ATP10A: variants seen among roughly 807,000 people sequenced by gnomAD.
ATP10A encodes phospholipid-transporting ATPase VA.
In ATP10A, 111 loss-of-function variants were observed where a neutral mutation model predicts 147.8. That is an observed-to-expected ratio of 0.75 (90% CI 0.64 to 0.88). The LOEUF is 0.88. Ranked by LOEUF, ATP10A falls within the 40% of genes least tolerant of loss-of-function variation. The probability of loss-of-function intolerance (pLI) is 0.00; values close to 1 mark genes in which losing one functional copy is unlikely to be tolerated. For missense variants in ATP10A, 1,927 were observed against 1,959.0 expected (o/e 0.98, Z 0.31); for synonymous variants, 875 against 841.6 (o/e 1.04, Z -0.69).
At chr15:25,855,798 C>T (rs1893492650) in intron 1 of ATP10A, among the ~76,000 whole-genome samples, 1 of 152,062 alleles carries the variant, frequency 6.6e-6, no homozygotes, top group Non-Finnish European at 1.5e-5. Flanking sequence ...ATGGAAAAGA[C>T]TAAGGAAGCC....
Position 25,681,082 on chromosome 15 carries a change from A to G in ATP10A, c.3493-8T>C, listed in dbSNP as rs369583706. The G allele has an allele frequency of 6.8e-6, 11 of 1,611,708 alleles. No homozygotes were observed. The highest frequency in any genetic ancestry group is 8.5e-6 in the Non-Finnish European group (10 of 1,178,038). ...CGTTCGTGGCCGGTATTCCTGGGAC[A>G]CAAAAACAATCAGTGATGTTACAGT... is the stretch of plus-strand genomic sequence containing the variant. On this transcript the variant is annotated splice_polypyrimidine_tract_variant and splice_region_variant and intron_variant, in intron 17 of 20. Transcript: ENST00000555815.
rs573671159 is a variant in ATP10A at position 25,835,481 on chromosome 15, G to C, written c.449+27167C>G. Among the ~76,000 whole-genome samples the C allele has an allele frequency of 3.3e-5, 5 of 152,222 alleles. No individual in the cohort carries two copies. The South Asian group carries it at 1.0e-3, about 32-fold the overall frequency. ...CCCTCCCTGGTCGCAGTGAGGGCAGGGACCATAGCTGCTTTCCTGACTATG... is the reference window on the plus strand; with the variant it reads ...CCCTCCCTGGTCGCAGTGAGGGCAGCGACCATAGCTGCTTTCCTGACTATG... On this transcript the variant is annotated intron_variant, in intron 1 of 20. Transcript: ENST00000555815.
intron 1 of ATP10A, among the ~76,000 whole-genome samples, chr15:25,809,661 TATGTACTAC>T (rs2140811578): frequency 6.6e-6 from 1 of 152,312 alleles, no homozygotes; most frequent in African/African-American, 2.4e-5. Context: ...TGGTTCCATA[TATGTACTAC>T]GTGCCTGAGA....
chr15:25,704,084 C>T (rs1900829255), intron 12 of ATP10A, among the ~76,000 whole-genome samples: 1 of 151,250 alleles, frequency 6.6e-6, no homozygotes, highest in South Asian at 2.1e-4. Flanking sequence ...GCTCCTCTAC[C>T]CTGGCCCTTG....
intron 2 of ATP10A, among the ~76,000 whole-genome samples, chr15:25,749,322 A>T (rs1490621301): frequency 6.6e-6 from 1 of 152,194 alleles, no homozygotes; most frequent in African/African-American, 2.4e-5. Flanking sequence ...TTAAGAGATT[A>T]AAGATGGTGC....
intron 2 of ATP10A, among the ~76,000 whole-genome samples, chr15:25,745,054 G>A (rs918913825): frequency 1.3e-5 from 2 of 152,168 alleles, no homozygotes; most frequent in Non-Finnish European, 2.9e-5. Context: ...GGCCGGGCGC[G>A]GTGGCTCACG....
intron 2 of ATP10A, among the ~76,000 whole-genome samples, chr15:25,767,796 G>A (rs901778334): frequency 1.3e-5 from 2 of 152,256 alleles, no homozygotes; most frequent in African/African-American, 4.8e-5. Context: ...CCACTGCAGT[G>A]AGCAAGGACC....
In ATP10A at chr15:25,680,318, A is replaced by G. The variant is rs756801055; in HGVS notation, c.3679-10T>C. On this transcript the variant is annotated splice_polypyrimidine_tract_variant and intron_variant, in intron 19 of 20. Coordinates refer to ENST00000555815, the MANE Select transcript of ATP10A (RefSeq NM_024490.4). ...TCCAGTTGAGCCAGGTCTGAGGGGG[A>G]ATGAGAAAGAAAGGGCTTTTATTTC... The G allele has an allele frequency of 2.9e-5, 47 of 1,611,546 alleles. No homozygotes were observed. The African/African-American group carries it at 6.2e-4, about 21-fold the overall frequency.
chr15:25,859,612 G>A (rs954733925), intron 1 of ATP10A, among the ~76,000 whole-genome samples: 2 of 151,960 alleles, frequency 1.3e-5, no homozygotes, highest in Non-Finnish European at 2.9e-5. Flanking sequence ...CCAACCTGCT[G>A]AGCGTGGCTC....
chr15:25,827,148 G>A (rs1892151744), intron 1 of ATP10A, among the ~76,000 whole-genome samples: 1 of 152,196 alleles, frequency 6.6e-6, no homozygotes, highest in African/African-American at 2.4e-5. Flanking sequence ...AAGACTGCCA[G>A]TCGCTAATTC....
At chr15:25,848,133 T>C (rs1392261598) in intron 1 of ATP10A, among the ~76,000 whole-genome samples, 3 of 152,086 alleles carry the variant, frequency 2.0e-5, no homozygotes, top group Non-Finnish European at 4.4e-5. Context: ...AAGTGTTTTT[T>C]TTTTTTAATC....
At chr15:25,759,906 T>C (rs1888661760) in intron 2 of ATP10A, among the ~76,000 whole-genome samples, 1 of 152,184 alleles carries the variant, frequency 6.6e-6, no homozygotes, top group South Asian at 2.1e-4. Flanking sequence ...CTTTGTATCT[T>C]TGAAATCTTC....
chr15:25,774,482 G>C (rs916537679), intron 2 of ATP10A, among the ~76,000 whole-genome samples: 3 of 151,970 alleles, frequency 2.0e-5, no homozygotes, highest in Non-Finnish European at 4.4e-5. Context: ...GCTGAGGCAG[G>C]AGAATCACTT....
At position 25,680,843 on chromosome 15, in the gene ATP10A, G is replaced by A. The variant is rs142515299; in HGVS notation, c.3645C>T (p.Phe1215=). 3 of 1,613,880 alleles carry A rather than the reference G, an allele frequency of 1.9e-6. No homozygotes were observed. In the South Asian group the frequency reaches 3.3e-5, roughly 18 times the overall value. ...TPIVTIALLT[F]LLHLGIETKT... ...TGGTTTCAATGCCCAGGTGGAGCAG[G>A]AAAGTGAGCAGCGCGATTGTCACAA... Residue 1215 remains phenylalanine (F), a synonymous_variant, in exon 19 of 21, where the codon TTC becomes TTT. Transcript: ENST00000555815.
At chr15:25,767,404 A>G (rs1889085292) in intron 2 of ATP10A, among the ~76,000 whole-genome samples, 1 of 152,188 alleles carries the variant, frequency 6.6e-6, no homozygotes, top group Non-Finnish European at 1.5e-5. Flanking sequence ...ACCAGGGCTC[A>G]GGCAGAGAGG....
chr15:25,727,549 A>G (rs1220565023), intron 3 of ATP10A, among the ~76,000 whole-genome samples: 1 of 152,108 alleles, frequency 6.6e-6, no homozygotes, highest in Non-Finnish European at 1.5e-5. Context: ...TCACTCCGGG[A>G]CTGATCACCA....
At chr15:25,694,400 A>G (rs1158831303) in intron 14 of ATP10A, among the ~76,000 whole-genome samples, 1 of 152,230 alleles carries the variant, frequency 6.6e-6, no homozygotes, top group Non-Finnish European at 1.5e-5. Context: ...AGGGCGTTAC[A>G]AAGCCTTGGA....
At position 25,721,702 on chromosome 15, in the gene ATP10A, G is replaced by A. The variant is rs755231757; in HGVS notation, c.1318C>T (p.Arg440Ter). 2.5e-6 allele frequency: 4 copies of A among 1,614,008 alleles called. No individual in the cohort carries two copies. The South Asian group carries it at 3.3e-5, about 13-fold the overall frequency. The change falls in exon 7 of 21, where the codon CGA (arginine) becomes TGA (stop). Residue 440 changes from arginine (R) to a stop codon, truncating the protein, a stop_gained. Transcript: ENST00000555815. LOFTEE classifies it high-confidence loss of function. ...TCTACACCAGACACAGTGCATCTTC[G>A]GAAAACCATCTTATTCTCTGTCAAA... Reference protein sequence around the residue: ...GTLTENKMVFRRCTVSGVEYS... With the variant: ...GTLTENKMVF
chr15:25,857,004 C>A (rs189766230), intron 1 of ATP10A, among the ~76,000 whole-genome samples: 498 of 152,288 alleles, frequency 3.3e-3, no homozygotes, highest in Middle Eastern at 0.017. Context: ...GGGGGAAAAT[C>A]TATAGACTAA....
Sources: gnomAD v4.1 joint callset for allele counts (sites outside exome capture counted in the v4.1 genomes callset) on GRCh38, gnomAD v4.1.1 for gene constraint, MANE v1.5 for transcripts, NCBI Gene and HGNC (gene_info 2026-07-23, HGNC 2026-07-21) for gene names.